The following KGD4 variants were observed in gnomAD, a reference collection of about 807,000 sequenced individuals.
KGD4 encodes alpha-ketoglutarate dehydrogenase component 4.
the KGD4 span, among the ~76,000 whole-genome samples, chr5:69,224,028 G>A: frequency 7.2e-5 from 9 of 124,190 alleles, no homozygotes; most frequent in South Asian, 2.4e-3. Context: ...GCAAGACTCT[G>A]TCTAAAAAAA....
At chr5:69,225,531 CT>C in the KGD4 span, among the ~76,000 whole-genome samples, 1 of 147,330 alleles carries the variant, frequency 6.8e-6, no homozygotes, top group Admixed American at 6.9e-5. Context: ...TTCCAAAGTG[CT>C]GGGATTACAG....
the KGD4 span, among the ~76,000 whole-genome samples, chr5:69,220,515 C>T: frequency 1.7e-4 from 26 of 151,770 alleles, no homozygotes; most frequent in Non-Finnish European, 1.5e-5. Flanking sequence ...GCAGCCGCCC[C>T]GTCTGGGAAG....
the KGD4 span, among the ~76,000 whole-genome samples, chr5:69,223,204 G>A: frequency 2.7e-5 from 4 of 148,370 alleles, no homozygotes; most frequent in Non-Finnish European, 3.0e-5. Context: ...TCAGCCTCCC[G>A]AGTACCTGGG....
At chr5:69,219,816 C>T in the KGD4 span, among the ~76,000 whole-genome samples, 1 of 152,104 alleles carries the variant, frequency 6.6e-6, no homozygotes. Context: ...CAGAGCAAGA[C>T]CTGGTCTCGA....
chr5:69,218,469 A>AGTGTGTGTGT, the KGD4 span, among the ~76,000 whole-genome samples: 1 of 52,036 alleles, frequency 1.9e-5, no homozygotes, highest in African/African-American at 1.2e-4. Context: ...TGTGTATATT[A>AGTGTGTGTGT]ATGTGTGTGT....
At chr5:69,222,146 A>G in the KGD4 span, among the ~76,000 whole-genome samples, 3 of 151,844 alleles carry the variant, frequency 2.0e-5, no homozygotes, top group Non-Finnish European at 4.4e-5. Flanking sequence ...AGAAGTGCTT[A>G]GTTTTCTGTC....
At chr5:69,225,660 T>A in the KGD4 span, among the ~76,000 whole-genome samples, 4 of 146,762 alleles carry the variant, frequency 2.7e-5, no homozygotes, top group Non-Finnish European at 6.0e-5. Context: ...AACCTCTGCC[T>A]CCGGAGTCCC....
the KGD4 span, among the ~76,000 whole-genome samples, chr5:69,221,376 A>G: frequency 2.6e-5 from 4 of 152,124 alleles, no homozygotes; most frequent in Non-Finnish European, 5.9e-5. Flanking sequence ...CAAAAAATAA[A>G]TAATAAAGTA....
chr5:69,220,991 C>T, the KGD4 span, among the ~76,000 whole-genome samples: 1 of 152,044 alleles, frequency 6.6e-6, no homozygotes, highest in Non-Finnish European at 1.5e-5. Flanking sequence ...GCAGCATGCT[C>T]GTTAAGAGTC....
the KGD4 span, among the ~76,000 whole-genome samples, chr5:69,226,071 C>T: frequency 3.3e-5 from 5 of 152,198 alleles, no homozygotes; most frequent in Admixed American, 2.0e-4. Flanking sequence ...GCAACATAAA[C>T]TCTACATCAT....
chr5:69,223,933 G>A, the KGD4 span, among the ~76,000 whole-genome samples: 4 of 151,310 alleles, frequency 2.6e-5, no homozygotes, highest in African/African-American at 4.9e-5. Flanking sequence ...CTTGGGAGGC[G>A]GAGGCAGGAG....
At chr5:69,218,470 A>ATATGTGTGTGTGTGTGTG in the KGD4 span, among the ~76,000 whole-genome samples, 1 of 148,632 alleles carries the variant, frequency 6.7e-6, no homozygotes, top group South Asian at 2.1e-4. Flanking sequence ...GTGTATATTA[A>ATATGTGTGTGTGTGTGTG]TGTGTGTGTG....
the KGD4 span, chr5:69,228,132 T>C: frequency 8.1e-7 from 1 of 1,228,604 alleles, no homozygotes; most frequent in Admixed American, 3.1e-5. Context: ...TTTGATAGTA[T>C]TTTAAGACTC....
chr5:69,220,684 G>A, the KGD4 span, among the ~76,000 whole-genome samples: 1 of 152,180 alleles, frequency 6.6e-6, no homozygotes, highest in Admixed American at 6.5e-5. Flanking sequence ...CAACAGCTCT[G>A]AAGAGACAGC....
chr5:69,229,265 C>T, the KGD4 span: 6 of 1,582,798 alleles, frequency 3.8e-6, no homozygotes, highest in African/African-American at 6.8e-5. Flanking sequence ...ATAGAATTGT[C>T]TTTACAATAA....
the KGD4 span, chr5:69,217,967 G>A: frequency 1.4e-5 from 23 of 1,597,712 alleles, no homozygotes; most frequent in Non-Finnish European, 1.9e-5. Flanking sequence ...CAGAGGCAGA[G>A]CGGTGACCGC....
At chr5:69,218,336 GGGCAACTGGCCCC>G in the KGD4 span, among the ~76,000 whole-genome samples, 11 of 152,258 alleles carry the variant, frequency 7.2e-5, no homozygotes, top group Admixed American at 7.2e-4. Flanking sequence ...GGGAATGGTC[GGGCAACTGGCCCC>G]GCGTACTGCG....
At chr5:69,219,031 T>C in the KGD4 span, among the ~76,000 whole-genome samples, 1 of 152,162 alleles carries the variant, frequency 6.6e-6, no homozygotes, top group African/African-American at 2.4e-5. Flanking sequence ...GATACCCAAA[T>C]GAGCAATGAA....
chr5:69,226,312 T>C, the KGD4 span: 1 of 1,510,698 alleles, frequency 6.6e-7, no homozygotes. Context: ...TGAGATTGTT[T>C]TTCATGCATA....
Sources: gnomAD v4.1 joint callset for allele counts (sites outside exome capture counted in the v4.1 genomes callset) on GRCh38, gnomAD v4.1.1 for gene constraint, MANE v1.5 for transcripts, NCBI Gene and HGNC (gene_info 2026-07-23, HGNC 2026-07-21) for gene names.